NAALADL2: variants seen among roughly 807,000 people sequenced by gnomAD.
NAALADL2 encodes inactive N-acetylated-alpha-linked acidic dipeptidase-like protein 2.
A neutral mutation model predicts 87.2 loss-of-function variants in NAALADL2; 76 were observed. That is an observed-to-expected ratio of 0.87 (90% CI 0.72 to 1.05). NAALADL2 has a LOEUF of 1.05. Among genes scored for constraint, NAALADL2 ranks in the 50% least tolerant of loss-of-function variants. The probability of loss-of-function intolerance (pLI) is 0.00; values close to 1 mark genes in which losing one functional copy is unlikely to be tolerated. For synonymous variants in NAALADL2, 354 were observed against 331.0 expected, an observed-to-expected ratio of 1.07 and a Z score of -0.75; for missense variants, 1,089 against 945.8, an observed-to-expected ratio of 1.15 and a Z score of -1.99.
chr3:174,824,671 T>C (rs1243291663), intron 3 of NAALADL2, among the ~76,000 whole-genome samples: 2 of 152,166 alleles, frequency 1.3e-5, no homozygotes, highest in African/African-American at 2.4e-5. Context: ...ATCAATCAAT[T>C]AGGAGATAAT....
chr3:175,456,379 TGTC>T (rs1722324621), intron 6 of NAALADL2, among the ~76,000 whole-genome samples: 1 of 152,024 alleles, frequency 6.6e-6, no homozygotes, highest in South Asian at 2.1e-4. Flanking sequence ...AAACTTCACA[TGTC>T]ATAATTAAAG....
intron 3 of NAALADL2, among the ~76,000 whole-genome samples, chr3:175,247,287 C>CACACACACACACAT (rs3066299): frequency 2.6e-5 from 4 of 151,394 alleles, no homozygotes; most frequent in African/African-American, 9.7e-5. Flanking sequence ...CACACACACA[C>CACACACACACACAT]ATAAAACACA....
intron 11 of NAALADL2, among the ~76,000 whole-genome samples, chr3:175,663,964 A>G (rs1732624150): frequency 2.0e-5 from 3 of 152,052 alleles, no homozygotes; most frequent in South Asian, 4.1e-4. Context: ...TTTTGAGACA[A>G]GATTCTTCAC....
chr3:174,491,260 T>G (rs1718176577), intron 1 of NAALADL2, among the ~76,000 whole-genome samples: 1 of 152,160 alleles, frequency 6.6e-6, no homozygotes, highest in Admixed American at 6.5e-5. Flanking sequence ...ATCTTATAAC[T>G]GCAGGCCATG....
chr3:175,137,766 GTTTGT>G (rs1553787019), intron 2 of NAALADL2, among the ~76,000 whole-genome samples: 3 of 151,034 alleles, frequency 2.0e-5, no homozygotes, highest in African/African-American at 7.3e-5. Flanking sequence ...ACCCAGCTAA[GTTTGT>G]TTTGTTTTGT....
chr3:175,381,775 G>A (rs1175030252), intron 5 of NAALADL2, among the ~76,000 whole-genome samples: 1 of 152,196 alleles, frequency 6.6e-6, no homozygotes, highest in East Asian at 1.9e-4. Flanking sequence ...GAATAGCTGA[G>A]TGTAAGTTTT....
intron 1 of NAALADL2, among the ~76,000 whole-genome samples, chr3:175,089,331 C>T (rs948836951): frequency 6.6e-6 from 1 of 152,098 alleles, no homozygotes; most frequent in African/African-American, 2.4e-5. Context: ...GATGCATTTG[C>T]TAACATCATG....
chr3:175,490,622 C>T (rs1727931122), intron 9 of NAALADL2, among the ~76,000 whole-genome samples: 1 of 151,000 alleles, frequency 6.6e-6, no homozygotes, highest in South Asian at 2.1e-4. Flanking sequence ...GTCTTGATCT[C>T]CTGACCTCGT....
intron 5 of NAALADL2, among the ~76,000 whole-genome samples, chr3:175,330,731 G>C (rs1761297117): frequency 6.6e-6 from 1 of 152,020 alleles, no homozygotes; most frequent in Non-Finnish European, 1.5e-5. Context: ...GAAATCTAAT[G>C]ATCCATCTCA....
At chr3:175,087,618 G>A (rs539727074) in intron 1 of NAALADL2, among the ~76,000 whole-genome samples, 11 of 152,156 alleles carry the variant, frequency 7.2e-5, no homozygotes, top group African/African-American at 2.4e-4. Context: ...TCCCAACCCC[G>A]TGCTCTCTGA....
intron 9 of NAALADL2, among the ~76,000 whole-genome samples, chr3:175,514,615 G>A (rs1306831475): frequency 6.6e-6 from 1 of 152,058 alleles, no homozygotes; most frequent in Admixed American, 6.6e-5. Context: ...TGCATGTAGG[G>A]GAGATATGGA....
intron 11 of NAALADL2, among the ~76,000 whole-genome samples, chr3:175,644,689 A>ATTC (rs78889391): frequency 0.57 from 86,917 of 151,750 alleles, 27,788 homozygotes; most frequent in African/African-American, 0.88. Flanking sequence ...TCCTTATGTA[A>ATTC]TTCTTTAAAA....
At chr3:174,689,296 T>C (rs958070594) in intron 2 of NAALADL2, among the ~76,000 whole-genome samples, 1 of 152,012 alleles carries the variant, frequency 6.6e-6, no homozygotes, top group African/African-American at 2.4e-5. Flanking sequence ...CCCTTTTCTA[T>C]CATCTCTGTT....
At chr3:174,637,495 C>T (rs1722759316) in intron 2 of NAALADL2, among the ~76,000 whole-genome samples, 3 of 151,420 alleles carry the variant, frequency 2.0e-5, no homozygotes, top group Admixed American at 1.3e-4. Context: ...TAAAAACTGC[C>T]CACTGGTTAG....
intron 1 of NAALADL2, among the ~76,000 whole-genome samples, chr3:175,043,896 C>T (rs1414997020): frequency 6.6e-6 from 1 of 152,070 alleles, no homozygotes; most frequent in East Asian, 1.9e-4. Flanking sequence ...AGGATTGTTT[C>T]ATCTATTTTT....
intron 1 of NAALADL2, among the ~76,000 whole-genome samples, chr3:174,456,316 A>G (rs1577951317): frequency 6.6e-6 from 1 of 151,140 alleles, no homozygotes; most frequent in African/African-American, 2.4e-5. Context: ...TGCTATTTCT[A>G]TCAAACTACC....
chr3:174,544,934 G>C (rs929098060), intron 1 of NAALADL2, among the ~76,000 whole-genome samples: 2 of 152,006 alleles, frequency 1.3e-5, no homozygotes, highest in African/African-American at 4.8e-5. Flanking sequence ...GAAGTGCAGT[G>C]GTATGAACAT....
At chr3:175,164,459 A>T (rs28678566) in intron 2 of NAALADL2, among the ~76,000 whole-genome samples, 84,513 of 151,766 alleles carry the variant, frequency 0.56, 23,739 homozygotes, top group East Asian at 0.7. Flanking sequence ...GAAACTGAAT[A>T]GAAAATTATT....
At position 175,362,984 on chromosome 3, in the gene NAALADL2, C is replaced by T. The variant is rs1269963707; in HGVS notation, c.1090+38659C>T. Among the ~76,000 whole-genome samples the T allele has an allele frequency of 1.4e-5, 2 of 147,632 alleles. 1 individual carries two copies. Among genetic ancestry groups the T allele is most frequent in the Non-Finnish European group, 3.0e-5 (2 of 66,414 alleles). On this transcript the variant is annotated intron_variant, in intron 5 of 13. Transcript: ENST00000454872. Reference sequence around the variant, plus strand: ...ATGCAACCTTTGAGTATTTGACTACCTGTATTGACATCTCAGTTTCTTTAC... The same window carrying T: ...ATGCAACCTTTGAGTATTTGACTACTTGTATTGACATCTCAGTTTCTTTAC...
Sources: allele counts gnomAD v4.1 joint callset (sites outside exome capture counted in the v4.1 genomes callset), GRCh38; gene constraint gnomAD v4.1.1; transcripts MANE v1.5; gene names NCBI Gene and HGNC (gene_info 2026-07-23, HGNC 2026-07-21).